Variants in LRP1B observed in about 807,000 individuals in gnomAD.
LRP1B encodes low-density lipoprotein receptor-related protein 1B.
Under a neutral mutation model 556.6 loss-of-function variants are expected in LRP1B, and 217 were observed. That is an observed-to-expected ratio of 0.39 (90% CI 0.35 to 0.44). The LOEUF (loss-of-function observed/expected upper bound fraction) is 0.44. Among genes scored for constraint, LRP1B ranks in the 20% least tolerant of loss-of-function variants. The probability of loss-of-function intolerance (pLI) is 1.00; values close to 1 mark genes in which losing one functional copy is unlikely to be tolerated. For missense variants in LRP1B, 5,053 were observed against 5,620.8 expected, an observed-to-expected ratio of 0.90 and a Z score of 3.23; for synonymous variants, 2,047 against 1,865.8, an observed-to-expected ratio of 1.10 and a Z score of -2.50.
chr2:141,550,000 A>C (rs1685692314), intron 2 of LRP1B, among the ~76,000 whole-genome samples: 1 of 152,220 alleles, frequency 6.6e-6, no homozygotes, highest in Non-Finnish European at 1.5e-5. Flanking sequence ...GTCTCGGAAA[A>C]AGAAAAAGAA....
chr2:141,107,533 C>A (rs938156795), intron 7 of LRP1B, among the ~76,000 whole-genome samples: 1 of 152,062 alleles, frequency 6.6e-6, no homozygotes, highest in South Asian at 2.1e-4. Flanking sequence ...GTAGTCCCAG[C>A]TACTTGGGAG....
At chr2:140,667,917 G>A (rs1463259562) in intron 41 of LRP1B, among the ~76,000 whole-genome samples, 1 of 152,140 alleles carries the variant, frequency 6.6e-6, no homozygotes, top group Non-Finnish European at 1.5e-5. Context: ...CCTTTATGAG[G>A]AAGTAGTGTT....
chr2:141,906,543 A>G (rs1359537210), intron 1 of LRP1B, among the ~76,000 whole-genome samples: 1 of 152,038 alleles, frequency 6.6e-6, no homozygotes, highest in Non-Finnish European at 1.5e-5. Context: ...GCAAATTTTA[A>G]TACCTCTGAA....
At chr2:141,140,747 G>T (rs1033060975) in intron 7 of LRP1B, among the ~76,000 whole-genome samples, 2 of 152,132 alleles carry the variant, frequency 1.3e-5, no homozygotes, top group African/African-American at 4.8e-5. Flanking sequence ...TAAGCCACCA[G>T]CCTTTGGTAT....
chr2:140,458,545 TA>T (rs1687194020), intron 60 of LRP1B, among the ~76,000 whole-genome samples: 1 of 152,138 alleles, frequency 6.6e-6, no homozygotes. Flanking sequence ...CCCTAACTTA[TA>T]AAAACGTACT....
At chr2:141,712,976 C>A (rs1182772079) in intron 2 of LRP1B, among the ~76,000 whole-genome samples, 2 of 151,552 alleles carry the variant, frequency 1.3e-5, no homozygotes, top group African/African-American at 2.4e-5. Context: ...CGACGTCCAG[C>A]CAATTATTAT....
At chr2:142,096,912 C>T (rs1407897802) in intron 1 of LRP1B, among the ~76,000 whole-genome samples, 5 of 151,518 alleles carry the variant, frequency 3.3e-5, no homozygotes, top group African/African-American at 1.2e-4. Flanking sequence ...CTATTGTTGA[C>T]ATCTTCATGA....
intron 1 of LRP1B, among the ~76,000 whole-genome samples, chr2:142,079,374 C>T (rs1168844478): frequency 6.9e-6 from 1 of 144,972 alleles, no homozygotes; most frequent in Non-Finnish European, 1.5e-5. Context: ...ACATAATTTA[C>T]TAATAAGGAA....
chr2:140,731,597 A>G (rs531370299), intron 35 of LRP1B, among the ~76,000 whole-genome samples: 126 of 152,026 alleles, frequency 8.3e-4, no homozygotes, highest in Non-Finnish European at 1.4e-3. Context: ...GTGAAACTCC[A>G]TCTGTACTAA....
At chr2:140,315,204 T>A in intron 82 of LRP1B, 105 bp from the exon 83 acceptor site, 1 of 718,654 alleles carries the variant, frequency 1.4e-6, no homozygotes, top group South Asian at 3.0e-5. Context: ...TGTGTTTCCA[T>A]AAAATAATTA....
At chr2:141,578,617 G>T (rs996722994) in intron 2 of LRP1B, among the ~76,000 whole-genome samples, 1 of 152,058 alleles carries the variant, frequency 6.6e-6, no homozygotes, top group Non-Finnish European at 1.5e-5. Context: ...ATACTTAAAA[G>T]CTAGGATAGA....
intron 2 of LRP1B, among the ~76,000 whole-genome samples, chr2:141,796,038 A>G (rs752154027): frequency 1.3e-5 from 2 of 151,186 alleles, no homozygotes; most frequent in African/African-American, 2.4e-5. Context: ...ACTTAATAGT[A>G]TATTATTGAT....
intron 41 of LRP1B, among the ~76,000 whole-genome samples, chr2:140,685,745 T>C (rs1024585231): frequency 2.0e-5 from 3 of 152,186 alleles, no homozygotes; most frequent in Non-Finnish European, 4.4e-5. Context: ...ATAAAATCAC[T>C]TTTTAAAATT....
At chr2:140,268,321 T>C (rs1682301866) in intron 86 of LRP1B, among the ~76,000 whole-genome samples, 1 of 152,022 alleles carries the variant, frequency 6.6e-6, no homozygotes, top group Non-Finnish European at 1.5e-5. Context: ...CCTTTTGATG[T>C]AGAGTCCCTG....
At chr2:141,140,609 T>C (rs1177232207) in intron 7 of LRP1B, among the ~76,000 whole-genome samples, 2 of 152,038 alleles carry the variant, frequency 1.3e-5, no homozygotes, top group East Asian at 3.9e-4. Context: ...AAAGGCTATG[T>C]GAGGACACAG....
intron 79 of LRP1B, among the ~76,000 whole-genome samples, chr2:140,331,438 C>T (rs192967335): frequency 6.6e-6 from 1 of 152,098 alleles, no homozygotes; most frequent in Admixed American, 6.6e-5. Context: ...TTTGAAGGCA[C>T]ATATTCGAAT....
At chr2:140,672,609 C>A (rs1282710047) in intron 41 of LRP1B, among the ~76,000 whole-genome samples, 1 of 151,766 alleles carries the variant, frequency 6.6e-6, no homozygotes, top group Non-Finnish European at 1.5e-5. Flanking sequence ...CCTTCTCTAC[C>A]TTTCACTCTT....
At chr2:140,477,002 T>A (rs1688003245) in intron 59 of LRP1B, among the ~76,000 whole-genome samples, 1 of 152,100 alleles carries the variant, frequency 6.6e-6, no homozygotes, top group African/African-American at 2.4e-5. Flanking sequence ...ATTATTTTTG[T>A]TATAGTTTTC....
intron 1 of LRP1B, among the ~76,000 whole-genome samples, chr2:142,100,393 G>A: frequency 6.6e-6 from 1 of 151,980 alleles, no homozygotes; most frequent in East Asian, 1.9e-4. Flanking sequence ...AACATCCAGA[G>A]TCAGTTCCTG....
Sources: gnomAD v4.1 joint callset for allele counts (sites outside exome capture counted in the v4.1 genomes callset) on GRCh38, gnomAD v4.1.1 for gene constraint, MANE v1.5 for transcripts, NCBI Gene and HGNC (gene_info 2026-07-23, HGNC 2026-07-21) for gene names.